Variants in PRKG1 observed in about 807,000 individuals in gnomAD.
PRKG1 encodes the protein protein kinase cGMP-dependent 1, also known as cGMP-dependent protein kinase 1.
A neutral mutation model predicts 88.1 loss-of-function variants in PRKG1; 35 were observed. The ratio of observed to expected loss-of-function variants is 0.40; its 90% CI spans 0.30 to 0.53. The LOEUF (loss-of-function observed/expected upper bound fraction) is 0.53. Among genes scored for constraint, PRKG1 ranks in the 20% least tolerant of loss-of-function variants. The pLI, the probability that PRKG1 is intolerant of heterozygous loss-of-function variation, is 0.59. For synonymous variants in PRKG1, 303 were observed against 292.5 expected, an observed-to-expected ratio of 1.04 and a Z score of -0.37; for missense variants, 540 against 839.8, an observed-to-expected ratio of 0.64 and a Z score of 4.41.
At chr10:52,044,488 A>T (rs1193849955) in intron 5 of PRKG1, among the ~76,000 whole-genome samples, 2 of 152,202 alleles carry the variant, frequency 1.3e-5, no homozygotes, top group Admixed American at 6.6e-5. Flanking sequence ...ATAATTACTA[A>T]GAATGATTTG....
intron 9 of PRKG1, among the ~76,000 whole-genome samples, chr10:52,224,024 C>T (rs1444927144): frequency 2.0e-5 from 3 of 152,228 alleles, no homozygotes; most frequent in Admixed American, 6.6e-5. Context: ...CTGTTTTCAA[C>T]CTTGCAGGTA....
intron 9 of PRKG1, among the ~76,000 whole-genome samples, chr10:52,241,090 T>C (rs1840846996): frequency 2.0e-5 from 3 of 152,198 alleles, no homozygotes; most frequent in Admixed American, 1.3e-4. Flanking sequence ...TGGTCTGTTA[T>C]AGTTCTATTT....
chr10:52,096,252 G>A (rs187873720), intron 7 of PRKG1, among the ~76,000 whole-genome samples: 48 of 152,206 alleles, frequency 3.2e-4, no homozygotes, highest in Admixed American at 9.2e-4. Flanking sequence ...GTTTATAAGC[G>A]TTAAAACCAA....
intron 9 of PRKG1, among the ~76,000 whole-genome samples, chr10:52,228,366 G>C (rs1410491434): frequency 6.6e-6 from 1 of 152,100 alleles, no homozygotes; most frequent in Non-Finnish European, 1.5e-5. Context: ...AAGGAATCTG[G>C]TCTGGAAGGA....
At chr10:52,250,761 C>T (rs1007358664) in intron 9 of PRKG1, among the ~76,000 whole-genome samples, 13 of 152,120 alleles carry the variant, frequency 8.5e-5, no homozygotes, top group African/African-American at 3.1e-4. Flanking sequence ...ATATTTTAAG[C>T]AGCTCATATT....
At chr10:51,775,841 C>T (rs1343824471) in intron 3 of PRKG1, among the ~76,000 whole-genome samples, 1 of 152,114 alleles carries the variant, frequency 6.6e-6, no homozygotes, top group African/African-American at 2.4e-5. Context: ...GCCTAGGCCT[C>T]CCAAAGTGCT....
At chr10:52,040,131 T>G (rs74468505) in intron 5 of PRKG1, among the ~76,000 whole-genome samples, 3,646 of 152,298 alleles carry the variant, frequency 0.024, 133 homozygotes, top group African/African-American at 0.081. Flanking sequence ...AGAGAAAGGT[T>G]AAGTGTTTAT....
chr10:52,089,939 C>T (rs1040675989), intron 7 of PRKG1, among the ~76,000 whole-genome samples: 3 of 151,244 alleles, frequency 2.0e-5, no homozygotes, highest in East Asian at 2.0e-4. Flanking sequence ...TTCAGCCTCC[C>T]GAGTAGCTGG....
At chr10:51,882,035 G>A (rs1841450887) in intron 4 of PRKG1, among the ~76,000 whole-genome samples, 1 of 152,166 alleles carries the variant, frequency 6.6e-6, no homozygotes, top group Admixed American at 6.5e-5. Context: ...TGACTAAAAT[G>A]TGTGAGGACT....
chr10:51,302,353 G>C (rs1205579466), intron 2 of PRKG1, among the ~76,000 whole-genome samples: 1 of 152,088 alleles, frequency 6.6e-6, no homozygotes, highest in Non-Finnish European at 1.5e-5. Flanking sequence ...ATTCATTTTA[G>C]TAATTTGAGA....
intron 2 of PRKG1, among the ~76,000 whole-genome samples, chr10:51,244,137 A>G (rs1021046636): frequency 7.6e-4 from 116 of 152,306 alleles, no homozygotes; most frequent in African/African-American, 2.5e-3. Context: ...CCAAGAAGGA[A>G]CAACATAAAT....
intron 3 of PRKG1, among the ~76,000 whole-genome samples, chr10:51,740,790 A>C (rs1296833080): frequency 1.3e-5 from 2 of 152,166 alleles, no homozygotes; most frequent in Non-Finnish European, 2.9e-5. Context: ...TTCAGAATCA[A>C]GATAGTAAAT....
At chr10:51,439,029 C>T (rs867405235) in intron 2 of PRKG1, among the ~76,000 whole-genome samples, 1 of 150,826 alleles carries the variant, frequency 6.6e-6, no homozygotes, top group Non-Finnish European at 1.5e-5. Context: ...AAAGAGAAAC[C>T]AATCCAACTG....
At chr10:52,199,339 T>C (rs924145379) in intron 9 of PRKG1, among the ~76,000 whole-genome samples, 1 of 152,086 alleles carries the variant, frequency 6.6e-6, no homozygotes, top group Non-Finnish European at 1.5e-5. Context: ...CAGTAGAAAT[T>C]GCTGAACTCC....
intron 2 of PRKG1, among the ~76,000 whole-genome samples, chr10:51,383,296 A>G (rs756475087): frequency 6.6e-6 from 1 of 152,124 alleles, no homozygotes; most frequent in Non-Finnish European, 1.5e-5. Flanking sequence ...TCAGGCAAGT[A>G]GAATGAGGAG....
chr10:52,141,668 A>G (rs1448088162), intron 8 of PRKG1, among the ~76,000 whole-genome samples: 1 of 152,224 alleles, frequency 6.6e-6, no homozygotes, highest in Non-Finnish European at 1.5e-5. Context: ...GACTCTGCTC[A>G]AAGTAAAAGA....
intron 5 of PRKG1, among the ~76,000 whole-genome samples, chr10:52,006,103 A>AC (rs775189630): frequency 0.017 from 2,650 of 151,688 alleles, 42 homozygotes; most frequent in Non-Finnish European, 0.025. Flanking sequence ...AAACAAACAA[A>AC]AAAAACAAGT....
chr10:51,647,839 T>C (rs2132308099), intron 3 of PRKG1, among the ~76,000 whole-genome samples: 1 of 152,282 alleles, frequency 6.6e-6, no homozygotes, highest in South Asian at 2.1e-4. Flanking sequence ...GTTTACCTAA[T>C]TTATCTGATA....
intron 2 of PRKG1, among the ~76,000 whole-genome samples, chr10:51,285,186 G>T (rs548049701): frequency 2.0e-5 from 3 of 151,036 alleles, no homozygotes; most frequent in South Asian, 2.1e-4. Flanking sequence ...GAGAATGATG[G>T]TTTTTTTTAA....
Sources: allele counts gnomAD v4.1 joint callset (sites outside exome capture counted in the v4.1 genomes callset), GRCh38; gene constraint gnomAD v4.1.1; transcripts MANE v1.5; gene names NCBI Gene and HGNC (gene_info 2026-07-23, HGNC 2026-07-21).